STXBP5L: variants seen among roughly 807,000 people sequenced by gnomAD.
STXBP5L encodes syntaxin binding protein 5L, also known as syntaxin-binding protein 5-like.
STXBP5L carries 65 observed loss-of-function variants against 144.5 expected under a neutral mutation model. The ratio of observed to expected loss-of-function variants is 0.45; its 90% CI spans 0.37 to 0.55. The LOEUF is 0.55. Ranked by LOEUF, STXBP5L falls within the 20% of genes least tolerant of loss-of-function variation. STXBP5L has a pLI of 0.00. For missense variants in STXBP5L, 1,298 were observed against 1,405.5 expected, an observed-to-expected ratio of 0.92 and a Z score of 1.22; for synonymous variants, 505 against 469.6, an observed-to-expected ratio of 1.08 and a Z score of -0.97.
chr3:121,135,422 T>C (rs1008413926), intron 7 of STXBP5L, among the ~76,000 whole-genome samples: 3 of 152,176 alleles, frequency 2.0e-5, no homozygotes, highest in Non-Finnish European at 4.4e-5. Context: ...ATAGTCACCC[T>C]ATACAAGTCA....
intron 5 of STXBP5L, among the ~76,000 whole-genome samples, chr3:121,090,648 A>C (rs982478189): frequency 6.6e-6 from 1 of 152,220 alleles, no homozygotes; most frequent in East Asian, 1.9e-4. Context: ...TTGTCTAAAA[A>C]TTTTTGTACC....
chr3:120,918,773 G>A (rs1366612508), intron 2 of STXBP5L, among the ~76,000 whole-genome samples: 1 of 152,016 alleles, frequency 6.6e-6, no homozygotes, highest in East Asian at 1.9e-4. Flanking sequence ...TTTTCACTTG[G>A]CTTGAAGTTA....
intron 3 of STXBP5L, among the ~76,000 whole-genome samples, chr3:120,991,233 C>CTCAT (rs1285716103): frequency 5.3e-5 from 8 of 151,684 alleles, no homozygotes; most frequent in African/African-American, 9.7e-5. Context: ...TGAAAAAATG[C>CTCAT]TCATCATCAC....
At chr3:121,026,205 G>A (rs1945932207) in intron 3 of STXBP5L, among the ~76,000 whole-genome samples, 1 of 151,590 alleles carries the variant, frequency 6.6e-6, no homozygotes, top group Non-Finnish European at 1.5e-5. Flanking sequence ...CAATCACTGT[G>A]TTCCAAGCAC....
intron 7 of STXBP5L, among the ~76,000 whole-genome samples, chr3:121,137,304 T>C (rs2045306115): frequency 6.6e-6 from 1 of 151,614 alleles, no homozygotes; most frequent in African/African-American, 2.4e-5. Flanking sequence ...TTAGCTACAC[T>C]AAGAAAAAAG....
intron 21 of STXBP5L, among the ~76,000 whole-genome samples, chr3:121,380,211 C>A (rs6786463): frequency 1.1e-4 from 16 of 152,250 alleles, no homozygotes; most frequent in Non-Finnish European, 1.9e-4. Context: ...TTACTAAACT[C>A]TAAGTTTGTC....
chr3:121,392,523 C>T lies in STXBP5L; in HGVS notation c.2587+10991C>T, dbSNP rs60148203. Among the ~76,000 whole-genome samples, 362 of 152,208 alleles carry T rather than the reference C, an allele frequency of 2.4e-3. 9 individuals are homozygous for T. The East Asian group carries it at 0.054, about 23-fold the overall frequency. ...GCTGCAGACCAGAGCTGTTCCTATT[C>T]GGCCATCTTGGAACACGCCCGCAGT... On this transcript the variant is annotated intron_variant, in intron 22 of 26. Transcript: ENST00000471454.
intron 20 of STXBP5L, among the ~76,000 whole-genome samples, chr3:121,320,187 C>T (rs542267478): frequency 5.7e-4 from 86 of 151,988 alleles, no homozygotes; most frequent in African/African-American, 1.7e-3. Flanking sequence ...TACTTTCTTT[C>T]GGTAATATTT....
chr3:121,119,064 A>G lies in STXBP5L; in HGVS notation c.606-2577A>G, dbSNP rs140278371. Among the ~76,000 whole-genome samples, 234 of 151,660 alleles carry G rather than the reference A, an allele frequency of 1.5e-3. 3 individuals are homozygous for G. Among genetic ancestry groups the G allele is most frequent in the African/African-American group, 5.3e-3 (220 of 41,540 alleles). On this transcript the variant is annotated intron_variant, in intron 6 of 26. Transcript: ENST00000471454. Reference sequence around the variant, plus strand: ...CATAAAGAGTATGTAGAGAAAAGTTAGCAAACTAATAGCCATTGAACTAAT... The same window carrying G: ...CATAAAGAGTATGTAGAGAAAAGTTGGCAAACTAATAGCCATTGAACTAAT...
At chr3:120,984,516 T>A (rs1054411205) in intron 3 of STXBP5L, among the ~76,000 whole-genome samples, 1 of 150,690 alleles carries the variant, frequency 6.6e-6, no homozygotes, top group Non-Finnish European at 1.5e-5. Context: ...CTAACGGGAT[T>A]TTTTTTTTGG....
chr3:121,169,903 G>A (rs1176260330), intron 9 of STXBP5L, among the ~76,000 whole-genome samples: 1 of 152,084 alleles, frequency 6.6e-6, no homozygotes, highest in African/African-American at 2.4e-5. Flanking sequence ...ATTCTTCTCA[G>A]CACCACACTG....
At chr3:121,213,094 C>T (rs1044252326) in intron 10 of STXBP5L, among the ~76,000 whole-genome samples, 2 of 152,170 alleles carry the variant, frequency 1.3e-5, no homozygotes, top group African/African-American at 4.8e-5. Flanking sequence ...TGCTTATCAG[C>T]TTAAGGAGAT....
chr3:121,363,864 G>A (rs973342724), intron 20 of STXBP5L, among the ~76,000 whole-genome samples: 25 of 151,988 alleles, frequency 1.6e-4, no homozygotes, highest in Admixed American at 7.2e-4. Flanking sequence ...ATCTTTGCCC[G>A]TTATTGAATT....
At chr3:121,174,086 C>T (rs1368425916) in intron 9 of STXBP5L, among the ~76,000 whole-genome samples, 2 of 151,980 alleles carry the variant, frequency 1.3e-5, no homozygotes, top group Non-Finnish European at 2.9e-5. Flanking sequence ...GAGCTTGCTG[C>T]AATAGCAATA....
intron 11 of STXBP5L, among the ~76,000 whole-genome samples, chr3:121,227,946 A>G (rs2108301941): frequency 6.6e-6 from 1 of 152,310 alleles, no homozygotes; most frequent in Non-Finnish European, 1.5e-5. Flanking sequence ...ATGAGAGATA[A>G]ACCCTTTGAG....
intron 19 of STXBP5L, among the ~76,000 whole-genome samples, chr3:121,311,075 A>G (rs948122673): frequency 6.6e-6 from 1 of 152,240 alleles, no homozygotes; most frequent in African/African-American, 2.4e-5. Flanking sequence ...TAAGCCAGAA[A>G]TTTGGATAGA....
intron 3 of STXBP5L, among the ~76,000 whole-genome samples, chr3:121,025,170 A>G (rs1338373856): frequency 6.6e-6 from 1 of 152,088 alleles, no homozygotes; most frequent in African/African-American, 2.4e-5. Flanking sequence ...GATTATAAAT[A>G]TTTCTTTAAA....
chr3:121,058,058 T>C (rs1321040506), intron 5 of STXBP5L, among the ~76,000 whole-genome samples: 2 of 152,164 alleles, frequency 1.3e-5, no homozygotes, highest in South Asian at 2.1e-4. Flanking sequence ...ACAAGTGCCA[T>C]GGTGGTTTGC....
intron 5 of STXBP5L, among the ~76,000 whole-genome samples, chr3:121,105,216 T>C (rs1050845606): frequency 7.9e-5 from 12 of 151,704 alleles, no homozygotes; most frequent in Admixed American, 7.2e-4. Context: ...GCCAACATGG[T>C]GAAAGCCCAT....
Sources: gnomAD v4.1 joint callset for allele counts (sites outside exome capture counted in the v4.1 genomes callset) on GRCh38, gnomAD v4.1.1 for gene constraint, MANE v1.5 for transcripts, NCBI Gene and HGNC (gene_info 2026-07-23, HGNC 2026-07-21) for gene names.